Variants in FAM184A observed in about 807,000 individuals in gnomAD.
The protein encoded by FAM184A is family with sequence similarity 184 member A.
Under a neutral mutation model 143.8 loss-of-function variants are expected in FAM184A, and 99 were observed. The observed-to-expected ratio is 0.69, with a 90% CI of 0.58 to 0.81. FAM184A has a LOEUF of 0.81. FAM184A is among the 40% of genes least tolerant of loss of function. The probability of loss-of-function intolerance (pLI) is 0.00; values close to 1 mark genes in which losing one functional copy is unlikely to be tolerated. For missense variants in FAM184A, 1,217 were observed against 1,310.5 expected (o/e 0.93, Z 1.10); for synonymous variants, 427 against 446.4 (o/e 0.96, Z 0.55).
chr6:119,017,366 C>T (rs1385916956), intron 4 of FAM184A, among the ~76,000 whole-genome samples: 1 of 151,996 alleles, frequency 6.6e-6, no homozygotes, highest in East Asian at 1.9e-4. Context: ...GGCGCGGTGG[C>T]GGGTGCCTGT....
At chr6:119,083,519 A>G (rs969338571), upstream of FAM184A, among the ~76,000 whole-genome samples, 4 of 152,136 alleles carry the variant, frequency 2.6e-5, no homozygotes. Flanking sequence ...AAGCCAGGTC[A>G]CCTCTTGAAT....
At chr6:119,009,879 A>G (rs1040516144) in intron 6 of FAM184A, among the ~76,000 whole-genome samples, 1 of 152,222 alleles carries the variant, frequency 6.6e-6, no homozygotes, top group South Asian at 2.1e-4. Flanking sequence ...TGAATGAGTC[A>G]CTTACAGAAA....
chr6:119,046,855 G>C (rs1158936009), intron 1 of FAM184A, among the ~76,000 whole-genome samples: 1 of 152,032 alleles, frequency 6.6e-6, no homozygotes, highest in Non-Finnish European at 1.5e-5. Flanking sequence ...CCTGCACCAA[G>C]GCAACCAAAG....
intron 8 of FAM184A, 78 bp from the exon 9 acceptor site, chr6:119,003,127 T>TTA: frequency 7.8e-7 from 1 of 1,285,990 alleles, no homozygotes; most frequent in Non-Finnish European, 1.1e-6. Flanking sequence ...ACAGGTTTTT[T>TTA]AAGCGCTTAA....
intron 1 of FAM184A, among the ~76,000 whole-genome samples, chr6:119,039,560 T>C (rs1351593024): frequency 6.6e-6 from 1 of 152,164 alleles, no homozygotes; most frequent in South Asian, 2.1e-4. Context: ...TTACATGACA[T>C]TCTAGAAAAG....
In FAM184A at chr6:118,975,914, T is replaced by TA; in HGVS notation, c.2583+2dup. 1 of 1,611,592 alleles carries TA rather than the reference T, an allele frequency of 6.2e-7. No individual in the cohort carries two copies. Among genetic ancestry groups the TA allele is most frequent in the Non-Finnish European group, 8.5e-7 (1 of 1,179,456 alleles). On this transcript the variant is annotated splice_region_variant and intron_variant, in intron 12 of 17. Transcript: ENST00000338891. ...CATCAGAGTACAGAATACTCTTACT[T>TA]ACCTGTCTTCTGCTGATGTCTATGC... is the stretch of plus-strand genomic sequence containing the variant.
rs116110707 is a variant in FAM184A at position 119,120,187 on chromosome 6, C to T, written c.-202+28891G>A. Among the ~76,000 whole-genome samples the T allele has an allele frequency of 5.0e-3, 766 of 152,352 alleles. 10 individuals carry two copies. The highest frequency in any genetic ancestry group is 0.018 in the African/African-American group (736 of 41,572). ...TGTTACTCATAATCCGCTTGTTCTT[C>T]CCAGCCCCTGGCAACCACTAATCTA... On this transcript the variant is annotated intron_variant, in intron 1 of 16. Coordinates refer to the FAM184A transcript ENST00000352896.
chr6:119,003,588 T>G lies in FAM184A; in HGVS notation c.1850A>C (p.Glu617Ala), dbSNP rs1784832170. 6.2e-7 allele frequency: 1 copy of G among 1,612,382 alleles called. No individual in the cohort carries two copies. The highest frequency in any genetic ancestry group is 1.7e-5 in the Admixed American group (1 of 59,846). Residue 617 changes from glutamate (E) to alanine (A), a missense_variant, in exon 8 of 18, where the codon GAA (glutamate) becomes GCA (alanine). Transcript: ENST00000338891. ...TTCTTCTTTCATGGCAGCAATTGTTTCTTCATGCTGTTGCCTTTCTTGTTC... is the reference window on the plus strand; with the variant it reads ...TTCTTCTTTCATGGCAGCAATTGTTGCTTCATGCTGTTGCCTTTCTTGTTC... ...ELEQERQQHE[E>A]TIAAMKEEEK...
At chr6:118,978,643 C>T (rs1046682116) in intron 11 of FAM184A, among the ~76,000 whole-genome samples, 5 of 152,270 alleles carry the variant, frequency 3.3e-5, no homozygotes, top group East Asian at 3.9e-4. Context: ...CAGGGTCAGA[C>T]GGCTTTCCCT....
chr6:119,123,055 G>A (rs1789268830), intron 1 of FAM184A, among the ~76,000 whole-genome samples: 1 of 141,072 alleles, frequency 7.1e-6, no homozygotes, highest in Non-Finnish European at 1.5e-5. Context: ...ATTCTCCATG[G>A]ACTGGCCAGA....
chr6:119,123,427 AC>A (rs1161764554), intron 1 of FAM184A, among the ~76,000 whole-genome samples: 9 of 152,098 alleles, frequency 5.9e-5, no homozygotes, highest in African/African-American at 1.9e-4. Flanking sequence ...AAAAACAAAA[AC>A]AGTAGGGGCA....
At chr6:119,032,604 AG>A (rs1348195483) in intron 1 of FAM184A, among the ~76,000 whole-genome samples, 18 of 69,692 alleles carry the variant, frequency 2.6e-4, no homozygotes, top group East Asian at 4.6e-4. Context: ...GCAGGAGAAG[AG>A]GGGGGAGAGG....
At chr6:118,973,298 CGAAA>C (rs1783750068) in intron 14 of FAM184A, among the ~76,000 whole-genome samples, 1 of 151,876 alleles carries the variant, frequency 6.6e-6, no homozygotes, top group Non-Finnish European at 1.5e-5. Flanking sequence ...CAATCTTTAC[CGAAA>C]GATTGAATTG....
intron 14 of FAM184A, among the ~76,000 whole-genome samples, chr6:118,968,853 G>A (rs992081669): frequency 3.9e-5 from 6 of 151,946 alleles, no homozygotes; most frequent in Non-Finnish European, 8.8e-5. Context: ...GTCTATCCCT[G>A]AATCCAAATT....
intron 1 of FAM184A, among the ~76,000 whole-genome samples, chr6:119,059,032 T>A (rs565308955): frequency 1.3e-5 from 2 of 152,306 alleles, no homozygotes; most frequent in Non-Finnish European, 2.9e-5. Flanking sequence ...GGCCTTGCTC[T>A]GTTGCCCAGG....
In FAM184A at chr6:119,107,727, G is replaced by A. The variant is rs144064012; in HGVS notation, c.-202+41351C>T. Among the ~76,000 whole-genome samples the A allele has an allele frequency of 8.0e-5, 12 of 149,126 alleles. No individual in the cohort carries two copies. In the East Asian group the frequency reaches 2.2e-3, roughly 27 times the overall value. On this transcript the variant is annotated intron_variant, in intron 1 of 16. Transcript: ENST00000352896. ...TGGGAGGAGGAAGTTGCAGTGAACC[G>A]AGATCTCGCCACTGCACTCCAGCCT...
chr6:119,108,000 T>C (rs1287910575), intron 1 of FAM184A, among the ~76,000 whole-genome samples: 2 of 152,098 alleles, frequency 1.3e-5, no homozygotes, highest in African/African-American at 4.8e-5. Flanking sequence ...GTTAATCAGG[T>C]ATTGTTCTAT....
At chr6:118,962,015 GA>G in intron 16 of FAM184A, 52 bp from the exon 17 acceptor site, 1 of 1,547,556 alleles carries the variant, frequency 6.5e-7, no homozygotes, top group East Asian at 2.2e-5. Context: ...GGACAAATGA[GA>G]AAATAGGAAT....
intron 6 of FAM184A, 58 bp downstream of exon 6, chr6:119,011,251 G>T: frequency 6.9e-7 from 1 of 1,452,684 alleles, no homozygotes; most frequent in Non-Finnish European, 9.5e-7. Flanking sequence ...AATGTCACCA[G>T]AATAAGTTAT....
Sources: allele counts gnomAD v4.1 joint callset (sites outside exome capture counted in the v4.1 genomes callset), GRCh38; gene constraint gnomAD v4.1.1; transcripts MANE v1.5; gene names NCBI Gene and HGNC (gene_info 2026-07-23, HGNC 2026-07-21).